Variants in NSD3 observed in about 807,000 individuals in gnomAD.
The protein encoded by NSD3 is nuclear receptor binding SET domain protein 3.
A neutral mutation model predicts 160.8 loss-of-function variants in NSD3; 24 were observed. The observed-to-expected ratio is 0.15, with a 90% CI of 0.11 to 0.21. NSD3 has a LOEUF of 0.21. Ranked by LOEUF, NSD3 falls within the 10% of genes least tolerant of loss-of-function variation. The pLI is 1.00. For missense variants in NSD3, 1,157 were observed against 1,735.9 expected, an observed-to-expected ratio of 0.67 and a Z score of 5.93; for synonymous variants, 520 against 600.0, an observed-to-expected ratio of 0.87 and a Z score of 1.95.
chr8:38,316,120 T>A lies in NSD3; in HGVS notation c.1856-78A>T. Reference sequence around the variant, plus strand: ...AATTTTTTTGTGTGTGGGAGAATATTTTCTTTTCTCAAACTCATCTTTAGT... The same window carrying A: ...AATTTTTTTGTGTGTGGGAGAATATATTCTTTTCTCAAACTCATCTTTAGT... On this transcript the variant is annotated intron_variant, in intron 9 of 23. Transcript: ENST00000317025. The surrounding 1 kb of genome is among the most constrained non-coding windows in gnomAD (Gnocchi z 4.5). The A allele has an allele frequency of 6.4e-7, 1 of 1,562,340 alleles. No homozygotes were observed. The highest frequency in any genetic ancestry group is 8.7e-7 in the Non-Finnish European group (1 of 1,154,708).
chr8:38,283,874 A>C (rs1808792478), intron 19 of NSD3, among the ~76,000 whole-genome samples: 1 of 152,146 alleles, frequency 6.6e-6, no homozygotes, highest in Admixed American at 6.5e-5. Flanking sequence ...AGGCTGAGGC[A>C]GGAGGACTGC....
At chr8:38,377,037 T>G (rs1811407613) in intron 1 of NSD3, among the ~76,000 whole-genome samples, 4 of 152,208 alleles carry the variant, frequency 2.6e-5, no homozygotes. Flanking sequence ...GTACTAATTT[T>G]TATTGTTTTT....
At chr8:38,332,177 G>A (rs750245034) in intron 4 of NSD3, among the ~76,000 whole-genome samples, 7 of 152,218 alleles carry the variant, frequency 4.6e-5, no homozygotes, top group African/African-American at 1.7e-4. Flanking sequence ...TTGGCCTGAA[G>A]TGATCCTCCT....
chr8:38,335,831 C>T (rs1810203586), intron 4 of NSD3: 4 of 152,116 alleles, frequency 2.6e-5, no homozygotes, highest in Admixed American at 2.0e-4. Flanking sequence ...ATAAAAGTAC[C>T]TACTTCACTG....
chr8:38,362,390 T>C (rs1810996037), intron 1 of NSD3, among the ~76,000 whole-genome samples: 1 of 151,314 alleles, frequency 6.6e-6, no homozygotes, highest in South Asian at 2.1e-4. Context: ...AGAGTACAGA[T>C]TTGCTTCTTC....
chr8:38,314,608 C>T (rs1437856478), intron 12 of NSD3, 39 bp downstream of exon 12: 8 of 1,612,868 alleles, frequency 5.0e-6, no homozygotes, highest in Non-Finnish European at 6.8e-6. Context: ...GGCACAATCC[C>T]ATTCATCTTT....
intron 7 of NSD3, among the ~76,000 whole-genome samples, chr8:38,322,646 G>C (rs1809817468): frequency 6.6e-6 from 1 of 152,106 alleles, no homozygotes; most frequent in African/African-American, 2.4e-5. Context: ...GTTACCCAAA[G>C]AACATATACA....
In NSD3 at chr8:38,273,833, T is replaced by C. The variant is rs2130976960; in HGVS notation, c.*1808A>G. 6.6e-6 allele frequency: 1 copy of C among 152,316 alleles called. No homozygotes were observed. Among genetic ancestry groups the C allele is most frequent in the Middle Eastern group, 3.4e-3 (1 of 294 alleles). 9.4% of individuals were successfully genotyped at this position (152,316 alleles called of 1,614,324 possible). On this transcript the variant is annotated 3_prime_UTR_variant, in exon 24 of 24. Transcript: ENST00000317025. ...ATCAACAGAAGTACTGGAAGCCCAA[T>C]GAGTCACCGCAGAATTAATTGCTGG... is the stretch of plus-strand genomic sequence containing the variant.
chr8:38,299,296 C>A, intron 15 of NSD3, 148 bp downstream of exon 15: 1 of 703,950 alleles, frequency 1.4e-6, no homozygotes, highest in Non-Finnish European at 2.2e-6. Context: ...ATTGTGCAGC[C>A]ATATGAAGAA....
At position 38,293,086 on chromosome 8, in the gene NSD3, C is replaced by T. The variant is rs533211704; in HGVS notation, c.2916-2409G>A. 1.8e-3 allele frequency among the ~76,000 whole-genome samples: 259 copies of T among 147,140 alleles called. 1 individual carries two copies. The highest frequency in any genetic ancestry group is 3.6e-3 in the Middle Eastern group (1 of 274). On this transcript the variant is annotated intron_variant, in intron 16 of 23. Transcript: ENST00000317025. ...CCAGGAGGCAGAGGTTGCAGTGAGC[C>T]GAGATCGTGCCACTGCACTCCAGCC... is the stretch of plus-strand genomic sequence containing the variant.
chr8:38,278,520 G>A (rs1054663222), intron 21 of NSD3, 108 bp from the exon 22 acceptor site: 1 of 938,664 alleles, frequency 1.1e-6, no homozygotes, highest in Non-Finnish European at 1.6e-6. Flanking sequence ...TGGCATGAAG[G>A]CGTTTCCCTT....
At position 38,304,728 on chromosome 8, in the gene NSD3, C is replaced by G; in HGVS notation, c.2470G>C (p.Val824Leu). The G allele has an allele frequency of 6.2e-7, 1 of 1,612,490 alleles. No homozygotes were observed. The highest frequency in any genetic ancestry group is 8.5e-7 in the Non-Finnish European group (1 of 1,179,418). ...CAAGCATCTCCAGAGTGATAGGCAA[C>G]TGGACATCTTAAACATCTCATCATG... Reference protein sequence around the residue: ...GRMMRCLRCPVAYHSGDACIA... With the variant: ...GRMMRCLRCPLAYHSGDACIA... The change falls in exon 14 of 24, where the codon GTT (valine) becomes CTT (leucine). Residue 824 changes from valine to leucine, a missense_variant. By Grantham distance (32) the Val-to-Leu change is conservative. Coordinates refer to ENST00000317025, the MANE Select transcript of NSD3 (RefSeq NM_023034.2).
In NSD3 at chr8:38,295,961, A is replaced by G; in HGVS notation, c.2759-9T>C. 6.2e-7 allele frequency: 1 copy of G among 1,606,946 alleles called. No homozygotes were observed. Among genetic ancestry groups the G allele is most frequent in the Non-Finnish European group, 8.5e-7 (1 of 1,177,858 alleles). ...GCAGAGCAATCTTCCACCTTGAAAC[A>G]AATAAACAGTCTTAATAACTGAGAA... On this transcript the variant is annotated splice_polypyrimidine_tract_variant and intron_variant, in intron 15 of 23. Transcript: ENST00000317025.
intron 19 of NSD3, among the ~76,000 whole-genome samples, chr8:38,286,959 T>G (rs887934472): frequency 3.9e-5 from 6 of 152,234 alleles, no homozygotes; most frequent in Non-Finnish European, 7.3e-5. Flanking sequence ...AGCTTTATTT[T>G]TATTCACAGC....
chr8:38,357,607 T>A (rs1296466054), intron 1 of NSD3, among the ~76,000 whole-genome samples: 2 of 152,192 alleles, frequency 1.3e-5, no homozygotes, highest in African/African-American at 2.4e-5. Flanking sequence ...TAAGTTAGTC[T>A]GAGTAACTTT....
intron 17 of NSD3, among the ~76,000 whole-genome samples, chr8:38,290,062 A>G (rs1432773921): frequency 6.6e-6 from 1 of 152,076 alleles, no homozygotes; most frequent in African/African-American, 2.4e-5. Flanking sequence ...TAAAAAGTAC[A>G]AAAATTAGCT....
At chr8:38,278,719 G>T (rs762717625) in intron 21 of NSD3, among the ~76,000 whole-genome samples, 2 of 152,214 alleles carry the variant, frequency 1.3e-5, no homozygotes, top group Non-Finnish European at 2.9e-5. Context: ...CTAGGTTCCA[G>T]TTCAGCCTTC....
At chr8:38,295,076 G>A (rs1168145247) in intron 16 of NSD3, among the ~76,000 whole-genome samples, 12 of 149,650 alleles carry the variant, frequency 8.0e-5, no homozygotes, top group South Asian at 6.4e-4. Flanking sequence ...CCCGGGAGCC[G>A]GAGCTTGCAG....
Position 38,319,180 on chromosome 8 carries a change from C to G in NSD3, c.1810-240G>C, listed in dbSNP as rs914657175. 11 of 436,156 alleles carry G rather than the reference C, an allele frequency of 2.5e-5. No homozygotes were observed. Among genetic ancestry groups the G allele is most frequent in the African/African-American group, 1.9e-4 (9 of 48,466 alleles). 27.0% of individuals were successfully genotyped at this position (436,156 alleles called of 1,614,324 possible). ...ACAGCCACATGCTCTCTAGCAAAGA[C>G]TTTTCCCACCATTCCCTTGGTATAT... On this transcript the variant is annotated intron_variant, in intron 8 of 23. Coordinates refer to ENST00000317025, the MANE Select transcript of NSD3 (RefSeq NM_023034.2). The surrounding 1 kb of genome is among the most constrained non-coding windows in gnomAD (Gnocchi z 4.1).
Sources: gnomAD v4.1 joint callset for allele counts (sites outside exome capture counted in the v4.1 genomes callset) on GRCh38, gnomAD v4.1.1 for gene constraint, Gnocchi (gnomAD v3.1) non-coding constraint, MANE v1.5 for transcripts, NCBI Gene and HGNC (gene_info 2026-07-23, HGNC 2026-07-21) for gene names.